GPD2: variants seen among roughly 807,000 people sequenced by gnomAD.
The protein encoded by GPD2 is glycerol-3-phosphate dehydrogenase 2, also known as glycerol-3-phosphate dehydrogenase, mitochondrial.
In GPD2, 54 loss-of-function variants were observed where a neutral mutation model predicts 82.4. That is an observed-to-expected ratio of 0.66 (90% CI 0.53 to 0.82). The LOEUF is 0.82. Ranked by LOEUF, GPD2 falls within the 40% of genes least tolerant of loss-of-function variation. The pLI is 0.00. For missense variants in GPD2, 748 were observed against 896.2 expected (o/e 0.83, Z 2.11); for synonymous variants, 288 against 306.1 (o/e 0.94, Z 0.62).
chr2:156,416,506 C>CT, the GPD2 span, among the ~76,000 whole-genome samples: 1 of 135,338 alleles, frequency 7.4e-6, no homozygotes, highest in East Asian at 2.2e-4. Context: ...AGTCATCATG[C>CT]CCAGCTAGTT....
chr2:156,550,526 G>C (rs1216121505), intron 7 of GPD2, 76 bp from the exon 8 acceptor site: 1 of 1,422,520 alleles, frequency 7.0e-7, no homozygotes, highest in African/African-American at 1.4e-5. Flanking sequence ...TAAGTTAATA[G>C]ATGAATTAGT....
rs1350132446 is a variant in GPD2 at position 156,571,173 on chromosome 2, G to A, written c.1648G>A (p.Asp550Asn). ...GIKEYACTAV[D>N]MISRRTRLAF... ...TAAGGAGTATGCCTGCACTGCTGTG[G>A]ATATGATTTCACGTCGTACTCGCCT... Residue 550 changes from aspartate (D) to asparagine (N), a missense_variant, in exon 13 of 17, where the codon GAT becomes AAT. Asp to Asn is a conservative substitution (Grantham distance 23). Coordinates refer to ENST00000438166, the MANE Select transcript of GPD2 (RefSeq NM_000408.5). The A allele has an allele frequency of 1.3e-5, 21 of 1,611,330 alleles. No homozygotes were observed. The highest frequency in any genetic ancestry group is 1.6e-5 in the Non-Finnish European group (19 of 1,177,658).
chr2:156,565,498 T>C (rs1687355995), intron 9 of GPD2, among the ~76,000 whole-genome samples: 1 of 152,114 alleles, frequency 6.6e-6, no homozygotes, highest in South Asian at 2.1e-4. Context: ...GGGGCAGAGC[T>C]AGAGATGGAA....
At chr2:156,558,329 C>T (rs1479118617) in intron 9 of GPD2, among the ~76,000 whole-genome samples, 1 of 151,978 alleles carries the variant, frequency 6.6e-6, no homozygotes, top group African/African-American at 2.4e-5. Context: ...CCTATCTATG[C>T]TTATTCTGAA....
chr2:156,500,429 G>A (rs77390864), intron 3 of GPD2, among the ~76,000 whole-genome samples: 3,759 of 152,236 alleles, frequency 0.025, 81 homozygotes, highest in Non-Finnish European at 0.04. Flanking sequence ...CATTGTTGCT[G>A]TTCATTCATG....
chr2:156,430,621 T>C (rs1380630221), upstream of GPD2, among the ~76,000 whole-genome samples: 1 of 152,258 alleles, frequency 6.6e-6, no homozygotes, highest in Non-Finnish European at 1.5e-5. Context: ...GTAATACTGC[T>C]GAGCTTTGGT....
chr2:156,447,749 T>C (rs1040758326), intron 1 of GPD2, among the ~76,000 whole-genome samples: 2 of 152,242 alleles, frequency 1.3e-5, no homozygotes, highest in Admixed American at 6.5e-5. Flanking sequence ...TTCACTAGGC[T>C]ACTGTGACAT....
chr2:156,527,962 A>G (rs1685675756), intron 6 of GPD2, among the ~76,000 whole-genome samples: 1 of 152,158 alleles, frequency 6.6e-6, no homozygotes, highest in Admixed American at 6.5e-5. Context: ...TCTTTTAATA[A>G]TTCCCCGTGT....
intron 1 of GPD2, among the ~76,000 whole-genome samples, chr2:156,440,397 G>T (rs1483921309): frequency 6.6e-6 from 1 of 152,230 alleles, no homozygotes; most frequent in Non-Finnish European, 1.5e-5. Flanking sequence ...AAGAGATGTT[G>T]ATGGTTTGAA....
At chr2:156,572,191 T>C (rs114735554) in intron 13 of GPD2, among the ~76,000 whole-genome samples, 3,868 of 152,250 alleles carry the variant, frequency 0.025, 144 homozygotes, top group African/African-American at 0.081. Flanking sequence ...CTTTTCCATG[T>C]CATAAATAGC....
upstream of GPD2, chr2:156,435,918 C>T (rs990381048): frequency 1.3e-5 from 2 of 152,460 alleles, no homozygotes; most frequent in African/African-American, 4.8e-5. Context: ...CCACCGTCTT[C>T]CCCAGCCTGG....
At chr2:156,535,569 G>GT (rs956958230) in intron 6 of GPD2, among the ~76,000 whole-genome samples, 25 of 150,246 alleles carry the variant, frequency 1.7e-4, no homozygotes, top group Admixed American at 4.0e-4. Context: ...TCTTGTTGTT[G>GT]TTTTTTTTTG....
chr2:156,477,425 C>T (rs1255796532), intron 2 of GPD2, among the ~76,000 whole-genome samples: 5 of 152,102 alleles, frequency 3.3e-5, no homozygotes, highest in Non-Finnish European at 5.9e-5. Flanking sequence ...AAATGAAACC[C>T]TGTCTCAATC....
chr2:156,510,608 C>T (rs926253017), intron 3 of GPD2, among the ~76,000 whole-genome samples, 188 bp from the exon 4 acceptor site: 1 of 152,194 alleles, frequency 6.6e-6, no homozygotes, highest in African/African-American at 2.4e-5. Flanking sequence ...TCTGGCTTGA[C>T]TTTTCCCCCA....
rs757680501 is a variant in GPD2 at position 156,579,088 on chromosome 2, A to G, written c.1883A>G (p.Tyr628Cys). ...ISLLPSDIDR[Y>C]KKRFHKFDAD... is the part of the protein sequence containing the mutation. ...CATTATTTAATCTTGTGTTCCAGGT[A>G]TAAGAAGAGATTTCATAAGTTTGAT... The change falls in exon 15 of 17, where the codon TAT (tyrosine) becomes TGT (cysteine). Residue 628 changes from tyrosine (Y) to cysteine (C), a missense_variant and splice_region_variant. Physicochemically the swap from Tyr to Cys is radical, Grantham distance 194. This residue lies in a region of GPD2 where 692 missense variants were observed against 809.7 expected (regional missense o/e 0.85). Coordinates refer to ENST00000438166, the MANE Select transcript of GPD2 (RefSeq NM_000408.5). The G allele has an allele frequency of 5.0e-6, 8 of 1,599,404 alleles. No individual in the cohort carries two copies. In the South Asian group the frequency reaches 5.5e-5, roughly 11 times the overall value.
chr2:156,571,279 A>T lies in GPD2; in HGVS notation c.1754A>T (p.Asp585Val). 1 of 1,603,570 alleles carries T rather than the reference A, an allele frequency of 6.2e-7. No individual in the cohort carries two copies. Among genetic ancestry groups the T allele is most frequent in the Non-Finnish European group, 8.5e-7 (1 of 1,173,850 alleles). Residue 585 changes from aspartate (D) to valine (V), a missense_variant, in exon 13 of 17, where the codon GAT becomes GTT. Transcript: ENST00000438166. ...ATGGGCAGGGAACTGAATTGGGATG[A>T]TTATAAGAAGCAGGTATTATATAGA... ...ELMGRELNWD[D>V]YKKQEQLETA...
At chr2:156,561,748 G>A (rs1687184012) in intron 9 of GPD2, among the ~76,000 whole-genome samples, 1 of 152,124 alleles carries the variant, frequency 6.6e-6, no homozygotes, top group African/African-American at 2.4e-5. Flanking sequence ...TATTAAATGG[G>A]TAAGTAAAAT....
intron 6 of GPD2, among the ~76,000 whole-genome samples, chr2:156,519,921 A>C (rs1685337240): frequency 6.6e-6 from 1 of 152,244 alleles, no homozygotes. Flanking sequence ...GTGGAGAGTC[A>C]GGGTGACAGC....
intron 1 of GPD2, among the ~76,000 whole-genome samples, chr2:156,469,447 G>A (rs1255290900): frequency 7.9e-5 from 12 of 152,198 alleles, no homozygotes; most frequent in Non-Finnish European, 1.8e-4. Context: ...TTACAGGTGT[G>A]AGCCACTGTG....
Sources: gnomAD v4.1 joint callset for allele counts (sites outside exome capture counted in the v4.1 genomes callset) on GRCh38, gnomAD v4.1.1 for gene constraint, gnomAD v4.1.1 regional missense constraint, MANE v1.5 for transcripts, NCBI Gene and HGNC (gene_info 2026-07-23, HGNC 2026-07-21) for gene names.